SPAG6: variants seen among roughly 807,000 people sequenced by gnomAD.
The protein encoded by SPAG6 is sperm-associated antigen 6.
Under a neutral mutation model 58.5 loss-of-function variants are expected in SPAG6, and 49 were observed. The observed-to-expected ratio is 0.84, with a 90% CI of 0.67 to 1.06. The LOEUF is 1.06. Ranked by LOEUF, SPAG6 falls within the 50% of genes least tolerant of loss-of-function variation. SPAG6 has a pLI of 0.00. For missense variants in SPAG6, 560 were observed against 611.3 expected, an observed-to-expected ratio of 0.92 and a Z score of 0.89; for synonymous variants, 233 against 225.6, an observed-to-expected ratio of 1.03 and a Z score of -0.29.
At chr10:22,346,021 CCT>C (rs1481956981) in intron 2 of SPAG6, 8 of 1,544,966 alleles carry the variant, frequency 5.2e-6, no homozygotes, top group Non-Finnish European at 7.0e-6. Context: ...GCGCGTTGTC[CCT>C]GTTTCCATCT....
At chr10:22,379,395 C>T (rs980686880) in intron 4 of SPAG6, among the ~76,000 whole-genome samples, 1 of 152,192 alleles carries the variant, frequency 6.6e-6, no homozygotes, top group South Asian at 2.1e-4. Flanking sequence ...ATGCCACGTC[C>T]AGGCTTAGAT....
chr10:22,359,251 T>C (rs1357731724), intron 2 of SPAG6, among the ~76,000 whole-genome samples: 1 of 152,238 alleles, frequency 6.6e-6, no homozygotes, highest in African/African-American at 2.4e-5. Flanking sequence ...GTTGTAAAAC[T>C]TGAATGAACT....
intron 5 of SPAG6, 119 bp from the exon 6 acceptor site, chr10:22,387,704 A>T: frequency 1.1e-6 from 1 of 930,130 alleles, no homozygotes; most frequent in East Asian, 2.8e-5. Flanking sequence ...TTAGGCATGT[A>T]CATTTTTTTC....
At chr10:22,375,810 C>T (rs1304487150) in intron 4 of SPAG6, among the ~76,000 whole-genome samples, 2 of 152,088 alleles carry the variant, frequency 1.3e-5, no homozygotes, top group African/African-American at 2.4e-5. Context: ...AACTCCTGAC[C>T]TTGTCATCCT....
chr10:22,362,118 T>A (rs1408065464), intron 2 of SPAG6, among the ~76,000 whole-genome samples: 2 of 145,954 alleles, frequency 1.4e-5, no homozygotes, highest in East Asian at 3.9e-4. Flanking sequence ...TATATATAAA[T>A]ATATGTATTT....
chr10:22,351,348 C>T (rs181249756), intron 2 of SPAG6, among the ~76,000 whole-genome samples: 104 of 152,280 alleles, frequency 6.8e-4, no homozygotes, highest in African/African-American at 2.4e-3. Flanking sequence ...GCTCTTTAAA[C>T]GCACGCAGAG....
At chr10:22,357,428 C>T (rs1836898872) in intron 2 of SPAG6, among the ~76,000 whole-genome samples, 1 of 151,738 alleles carries the variant, frequency 6.6e-6, no homozygotes, top group Admixed American at 6.6e-5. Flanking sequence ...AAGAGTAATT[C>T]AAAAATGTAT....
intron 7 of SPAG6, 115 bp from the exon 8 acceptor site, chr10:22,391,614 T>C: frequency 1.2e-6 from 1 of 854,696 alleles, no homozygotes; most frequent in Non-Finnish European, 1.8e-6. Flanking sequence ...TATTGAACCA[T>C]TTAAGAAAAA....
At position 22,345,907 on chromosome 10, in the gene SPAG6, G is replaced by C. The variant is rs1277352031; in HGVS notation, c.121+89G>C. 1.3e-6 allele frequency: 2 copies of C among 1,576,668 alleles called. No individual in the cohort carries two copies. The highest frequency in any genetic ancestry group is 1.7e-6 in the Non-Finnish European group (2 of 1,161,646). On this transcript the variant is annotated intron_variant, in intron 2 of 10. Transcript: ENST00000376624. This position sits in a 1 kb window ranked among gnomAD's most constrained non-coding sequence, Gnocchi z 6.3. ...CTGCCCTGCCCGTGGAGCTCTTGGGGAGCCGCAGTGTGGGGACCGGAGTTC... is the reference window on the plus strand; with the variant it reads ...CTGCCCTGCCCGTGGAGCTCTTGGGCAGCCGCAGTGTGGGGACCGGAGTTC...
chr10:22,375,543 G>C (rs989865932), intron 4 of SPAG6, among the ~76,000 whole-genome samples: 6 of 151,060 alleles, frequency 4.0e-5, no homozygotes, highest in African/African-American at 1.5e-4. Flanking sequence ...GAACTAGTTT[G>C]CTCTAAAAGT....
chr10:22,401,293 C>T lies in SPAG6; in HGVS notation c.1314+16C>T, dbSNP rs1187267122. ...GTTCAGTAAGGTAAGAAATGCCAGC[C>T]TCTAAGGGGAGGAAGAAAATTAAAA... On this transcript the variant is annotated intron_variant, in intron 9 of 10. Coordinates refer to ENST00000376624, the MANE Select transcript of SPAG6 (RefSeq NM_012443.4). 2 of 1,176,262 alleles carry T rather than the reference C, an allele frequency of 1.7e-6. No homozygotes were observed. The allele number at this position is 1,176,262 out of a possible 1,614,324, so 72.9% of individuals were successfully genotyped here. A position where few individuals can be genotyped will look rare whatever the true frequency, so the allele number is the denominator to read the frequency against.
chr10:22,365,155 T>A lies in SPAG6; in HGVS notation c.288+136T>A, dbSNP rs575981913. 5 of 571,726 alleles carry A rather than the reference T, an allele frequency of 8.7e-6. No individual in the cohort carries two copies. The South Asian group carries it at 1.2e-4, about 14-fold the overall frequency. 35.4% of individuals were successfully genotyped at this position (571,726 alleles called of 1,614,324 possible). A position where few individuals can be genotyped will look rare whatever the true frequency, so the allele number is the denominator to read the frequency against. On this transcript the variant is annotated intron_variant, in intron 3 of 10. Transcript: ENST00000376624. ...ACAATCTTCAATTATCTGAGCTGCA[T>A]GTAATCATATTTTCAGGGTATTTTG...
chr10:22,383,971 G>A (rs1834013204), intron 4 of SPAG6, among the ~76,000 whole-genome samples: 1 of 152,170 alleles, frequency 6.6e-6, no homozygotes, highest in African/African-American at 2.4e-5. Flanking sequence ...ATTATATCAG[G>A]ATGTTTTTAG....
chr10:22,360,852 C>A (rs1329623937), intron 2 of SPAG6: 2 of 1,524,702 alleles, frequency 1.3e-6, no homozygotes, highest in Non-Finnish European at 1.8e-6. Flanking sequence ...TCTCTGGATA[C>A]CTAATGGACA....
chr10:22,358,195 C>T (rs1836923821), intron 2 of SPAG6, among the ~76,000 whole-genome samples: 1 of 152,082 alleles, frequency 6.6e-6, no homozygotes, highest in African/African-American at 2.4e-5. Flanking sequence ...GTTTACAGTC[C>T]CACCAACAGT....
chr10:22,359,605 A>G (rs1042462971), intron 2 of SPAG6, among the ~76,000 whole-genome samples: 13 of 152,130 alleles, frequency 8.5e-5, no homozygotes. Flanking sequence ...CTGGACATGG[A>G]TAGTGGTGGT....
intron 8 of SPAG6, among the ~76,000 whole-genome samples, chr10:22,395,521 C>T (rs967023615): frequency 9.2e-5 from 14 of 152,158 alleles, no homozygotes; most frequent in South Asian, 2.1e-4. Context: ...GCTGTTCATA[C>T]GTCTTCTTTA....
At chr10:22,388,031 T>C in intron 6 of SPAG6, 35 bp downstream of exon 6, 5 of 1,519,910 alleles carry the variant, frequency 3.3e-6, no homozygotes, top group Non-Finnish European at 4.5e-6. Flanking sequence ...TAATATGTAG[T>C]AGTTAGTTTT....
At chr10:22,377,991 T>C (rs1010819397) in intron 4 of SPAG6, among the ~76,000 whole-genome samples, 5 of 151,586 alleles carry the variant, frequency 3.3e-5, no homozygotes, top group Non-Finnish European at 7.4e-5. Flanking sequence ...TATTTTTGTA[T>C]ATTAATTAAA....
Sources: allele counts gnomAD v4.1 joint callset (sites outside exome capture counted in the v4.1 genomes callset), GRCh38; gene constraint gnomAD v4.1.1; non-coding constraint Gnocchi (gnomAD v3.1); transcripts MANE v1.5; gene names NCBI Gene and HGNC (gene_info 2026-07-23, HGNC 2026-07-21).